Variants in DNA2 observed in about 807,000 individuals in gnomAD.
DNA2 encodes the protein DNA replication ATP-dependent helicase/nuclease DNA2.
In DNA2, 101 loss-of-function variants were observed where a neutral mutation model predicts 119.1. That is an observed-to-expected ratio of 0.85 (90% CI 0.72 to 1.00). DNA2 has a LOEUF of 1.00. Among genes scored for constraint, DNA2 ranks in the 50% least tolerant of loss-of-function variants. The pLI, the probability that DNA2 is intolerant of heterozygous loss-of-function variation, is 0.00. For missense variants in DNA2, 1,121 were observed against 1,255.5 expected (o/e 0.89, Z 1.62); for synonymous variants, 366 against 424.4 (o/e 0.86, Z 1.69).
intron 2 of DNA2, among the ~76,000 whole-genome samples, chr10:68,469,309 G>A (rs2052359881): frequency 6.6e-6 from 1 of 151,364 alleles, no homozygotes; most frequent in Admixed American, 6.6e-5. Flanking sequence ...ACTTTGGGAG[G>A]CCGAGGTGGG....
intron 10 of DNA2, among the ~76,000 whole-genome samples, chr10:68,433,349 C>A (rs2051845903): frequency 6.6e-6 from 1 of 152,252 alleles, no homozygotes; most frequent in South Asian, 2.1e-4. Context: ...CACTACCCTG[C>A]CTCAATTTCC....
rs994781726 is a variant in DNA2, at chr10:68,422,813, A to C, written c.2286T>G (p.Asp762Glu). The C allele has an allele frequency of 3.7e-6, 6 of 1,610,540 alleles. No individual in the cohort carries two copies. Among genetic ancestry groups the C allele is most frequent in the Non-Finnish European group, 5.1e-6 (6 of 1,179,246 alleles). Residue 762 changes from aspartate to glutamate, a missense_variant, in exon 15 of 21, where the codon GAT (aspartate) becomes GAG (glutamate). Physicochemically the swap from Asp to Glu is conservative, Grantham distance 45. Coordinates refer to ENST00000358410, the MANE Select transcript of DNA2 (RefSeq NM_001080449.3). ...SRKIFDFCIV[D>E]EASQISQPIC... ...TTGGTTGGCTAATTTGAGAGGCTTCATCCACAATACAAAAATCAAAAATTT... is the reference window on the plus strand; with the variant it reads ...TTGGTTGGCTAATTTGAGAGGCTTCCTCCACAATACAAAAATCAAAAATTT...
At chr10:68,428,589 A>G (rs931423982) in intron 14 of DNA2, among the ~76,000 whole-genome samples, 2 of 152,238 alleles carry the variant, frequency 1.3e-5, no homozygotes, top group African/African-American at 4.8e-5. Context: ...CAGAGGGTGA[A>G]TGGTTAAACA....
intron 13 of DNA2, 151 bp downstream of exon 13, chr10:68,431,711 C>T: frequency 1.8e-6 from 1 of 567,982 alleles, no homozygotes; most frequent in Admixed American, 3.4e-5. Context: ...TGTGCTTCAG[C>T]TTTACTATTT....
At chr10:68,468,028 A>G in intron 3 of DNA2, 95 bp downstream of exon 3, 4 of 931,298 alleles carry the variant, frequency 4.3e-6, no homozygotes, top group Non-Finnish European at 6.0e-6. Flanking sequence ...TTTATTTTAT[A>G]GGGTTGCTGG....
At chr10:68,437,728 C>G (rs2051910101) in intron 9 of DNA2, among the ~76,000 whole-genome samples, 1 of 152,090 alleles carries the variant, frequency 6.6e-6, no homozygotes, top group South Asian at 2.1e-4. Context: ...CCACAACCTA[C>G]AGTAAAATGT....
intron 19 of DNA2, among the ~76,000 whole-genome samples, chr10:68,418,369 A>G (rs1422342146): frequency 6.6e-6 from 1 of 151,028 alleles, no homozygotes; most frequent in African/African-American, 2.4e-5. Context: ...CCGAGATCGC[A>G]CTACTGCATG....
In DNA2 at chr10:68,414,988, C is replaced by T; in HGVS notation, c.*51G>A. The T allele has an allele frequency of 8.7e-7, 1 of 1,153,586 alleles. No homozygotes were observed. The highest frequency in any genetic ancestry group is 1.2e-6 in the Non-Finnish European group (1 of 803,298). The allele number at this position is 1,153,586 out of a possible 1,614,324, so 71.5% of individuals were successfully genotyped here. A position where few individuals can be genotyped will look rare whatever the true frequency, so the allele number is the denominator to read the frequency against. On this transcript the variant is annotated 3_prime_UTR_variant, in exon 21 of 21. Coordinates refer to ENST00000358410, the MANE Select transcript of DNA2 (RefSeq NM_001080449.3). ...GGTGATAGAATTTTCTGTATGGGCA[C>T]TAGCTAGAGGAGATACTGCCCTAGT...
At chr10:68,438,747 T>C (rs963383618) in intron 9 of DNA2, among the ~76,000 whole-genome samples, 4 of 151,700 alleles carry the variant, frequency 2.6e-5, no homozygotes, top group Non-Finnish European at 5.9e-5. Context: ...TTAATATTCA[T>C]TCTGGGCCGG....
chr10:68,429,750 G>A (rs1590053373), intron 14 of DNA2, among the ~76,000 whole-genome samples: 1 of 137,462 alleles, frequency 7.3e-6, no homozygotes, highest in Non-Finnish European at 1.6e-5. Context: ...AATCTGTTAA[G>A]AACTCCCAGT....
rs558626367 is a variant in DNA2, at chr10:68,422,228, G to A, written c.2694C>T (p.Asp898=). 4.5e-6 allele frequency: 7 copies of A among 1,561,790 alleles called. No individual in the cohort carries two copies. Among genetic ancestry groups the A allele is most frequent in the African/African-American group, 1.4e-5 (1 of 72,292 alleles). Residue 898 remains aspartate, a synonymous_variant, in exon 17 of 21, where the codon GAC becomes GAT. Transcript: ENST00000358410. ...AAACAGAAATTTTTTTTTTTACCTT[G>A]TCTGTATTAAGGAAACAAACAGGAT... ...PNNPVCFLNT[D]KVPAPEQVEK... is the part of the protein sequence containing the mutation.
At chr10:68,451,115 A>G (rs1014650930) in intron 5 of DNA2, among the ~76,000 whole-genome samples, 3 of 151,760 alleles carry the variant, frequency 2.0e-5, no homozygotes, top group Non-Finnish European at 4.4e-5. Context: ...AAAAAAAAAA[A>G]AAGAAGAGCT....
intron 9 of DNA2, among the ~76,000 whole-genome samples, chr10:68,441,911 A>T (rs2051973635): frequency 1.3e-5 from 2 of 152,138 alleles, no homozygotes; most frequent in South Asian, 4.1e-4. Context: ...TATACTGAAA[A>T]TTTTTAACAG....
chr10:68,422,376 C>T lies in DNA2; in HGVS notation c.2546G>A (p.Gly849Glu). The stretch of plus-strand genomic sequence containing the variant: ...CACTGCATTGGCCACTTTGTCTGAT[C>T]CACACTCCAGCTTGCCCTCATAGGT... ...KLTYEGKLEC[G>E]SDKVANAVIN... The change falls in exon 17 of 21, where the codon GGA becomes GAA. Residue 849 changes from glycine to glutamate, a missense_variant. Gly to Glu is a moderately conservative substitution (Grantham distance 98). Coordinates refer to ENST00000358410, the MANE Select transcript of DNA2 (RefSeq NM_001080449.3). 1 of 1,613,934 alleles carries T rather than the reference C, an allele frequency of 6.2e-7. No homozygotes were observed. Among genetic ancestry groups the T allele is most frequent in the Admixed American group, 1.7e-5 (1 of 59,996 alleles).
chr10:68,471,886 C>T lies in DNA2; in HGVS notation c.-22G>A, dbSNP rs369577003. 1 of 1,613,834 alleles carries T rather than the reference C, an allele frequency of 6.2e-7. No individual in the cohort carries two copies. The highest frequency in any genetic ancestry group is 1.3e-5 in the African/African-American group (1 of 74,954). Reference sequence around the variant, plus strand: ...CCATCCTGGACGCGGGGATCGCAAACTGTAGACAGAAAAGACAGCGGAACC... The same window carrying T: ...CCATCCTGGACGCGGGGATCGCAAATTGTAGACAGAAAAGACAGCGGAACC... On this transcript the variant is annotated 5_prime_UTR_variant, in exon 1 of 21. Transcript: ENST00000358410.
intron 4 of DNA2, among the ~76,000 whole-genome samples, chr10:68,464,133 G>T (rs77699579): frequency 0.024 from 3,714 of 152,298 alleles, 140 homozygotes; most frequent in African/African-American, 0.085. Context: ...TGATGTAGAT[G>T]ACCATATGGT....
rs180752832 is a variant in DNA2 at position 68,470,039 on chromosome 10, C to G, written c.199G>C (p.Val67Leu). Residue 67 changes from valine to leucine, a missense_variant, in exon 2 of 21, where the codon GTC (valine) becomes CTC (leucine). Val to Leu is a conservative substitution (Grantham distance 32). Transcript: ENST00000358410. ...NKEGNCEKRL[V>L]ITASQSLENK... The stretch of plus-strand genomic sequence containing the variant: ...TCTAGTGACTGTGAAGCAGTGATGA[C>G]CAGGCGCTTTTCACAGTTTCCCTCT... 154 of 1,613,566 alleles carry G rather than the reference C, an allele frequency of 9.5e-5. 1 individual carries two copies. The East Asian group carries it at 2.9e-3, about 30-fold the overall frequency.
At chr10:68,470,272 G>T in intron 1 of DNA2, 109 bp from the exon 2 acceptor site, 1 of 990,132 alleles carries the variant, frequency 1.0e-6, no homozygotes, top group Non-Finnish European at 1.4e-6. Context: ...TCTTTCTTCT[G>T]AAAAGCTTAT....
intron 10 of DNA2, among the ~76,000 whole-genome samples, chr10:68,433,309 T>C (rs16925381): frequency 0.046 from 7,060 of 152,188 alleles, 534 homozygotes; most frequent in African/African-American, 0.16. Context: ...TTCTAAATAC[T>C]TCTCAAAGTC....
Sources: gnomAD v4.1 joint callset for allele counts (sites outside exome capture counted in the v4.1 genomes callset) on GRCh38, gnomAD v4.1.1 for gene constraint, MANE v1.5 for transcripts, NCBI Gene and HGNC (gene_info 2026-07-23, HGNC 2026-07-21) for gene names.